The following ABAT variants were observed in gnomAD, a reference collection of about 807,000 sequenced individuals.
The protein encoded by ABAT is 4-aminobutyrate aminotransferase, mitochondrial.
Under a neutral mutation model 64.6 loss-of-function variants are expected in ABAT, and 45 were observed. The ratio of observed to expected loss-of-function variants is 0.70; its 90% CI spans 0.55 to 0.89. ABAT has a LOEUF of 0.89. ABAT is among the 40% of genes least tolerant of loss of function. The pLI, the probability that ABAT is intolerant of heterozygous loss-of-function variation, is 0.00. For missense variants in ABAT, 633 were observed against 658.4 expected, an observed-to-expected ratio of 0.96 and a Z score of 0.42; for synonymous variants, 297 against 250.5, an observed-to-expected ratio of 1.19 and a Z score of -1.75.
intron 1 of ABAT, among the ~76,000 whole-genome samples, chr16:8,692,944 C>G (rs1333500332): frequency 3.9e-5 from 6 of 152,176 alleles, no homozygotes; most frequent in Non-Finnish European, 5.9e-5. Flanking sequence ...ATCTCCACCT[C>G]CCAGGTTCAA....
rs1283021652 is a variant in ABAT at position 8,746,095 on chromosome 16, T to C, written c.165T>C (p.Ser55=). The C allele has an allele frequency of 2.5e-6, 4 of 1,612,696 alleles. No individual in the cohort carries two copies. Among genetic ancestry groups the C allele is most frequent in the Non-Finnish European group, 3.4e-6 (4 of 1,179,332 alleles). The change falls in exon 3 of 16, where the codon TCT becomes TCC. Residue 55 remains serine (S), a synonymous_variant. Coordinates refer to ENST00000268251, the MANE Select transcript of ABAT (RefSeq NM_020686.6). ...LMKTEVPGPR[S]QELMKQLNII... ...AGACGGAAGTCCCAGGGCCTAGATC[T>C]CAGGTGAGTTGAGCACACCTGAGTG...
At chr16:8,763,833 G>C (rs866377783) in intron 6 of ABAT, among the ~76,000 whole-genome samples, 1 of 152,144 alleles carries the variant, frequency 6.6e-6, no homozygotes, top group Non-Finnish European at 1.5e-5. Flanking sequence ...CCTATATAAC[G>C]CCAATGCAAT....
chr16:8,750,334 G>C (rs2059443047), intron 4 of ABAT, 88 bp from the exon 5 acceptor site: 1 of 1,101,202 alleles, frequency 9.1e-7, no homozygotes, highest in East Asian at 2.4e-5. Flanking sequence ...TCACGATATG[G>C]TGTACTTCAC....
At position 8,739,239 on chromosome 16, in the gene ABAT, T is replaced by C. The variant is rs138370248; in HGVS notation, c.70+3430T>C. On this transcript the variant is annotated intron_variant, in intron 2 of 15. Transcript: ENST00000268251. Reference sequence around the variant, plus strand: ...GGTCATTCTCCAGGACATCTGAGCTTTCCTAAGGAGACACCATGGGAAGAG... The same window carrying C: ...GGTCATTCTCCAGGACATCTGAGCTCTCCTAAGGAGACACCATGGGAAGAG... Among the ~76,000 whole-genome samples the C allele has an allele frequency of 4.2e-3, 634 of 152,318 alleles. 5 individuals are homozygous for C. The highest frequency in any genetic ancestry group is 0.014 in the African/African-American group (593 of 41,568).
intron 5 of ABAT, among the ~76,000 whole-genome samples, chr16:8,756,884 T>C (rs1351441761): frequency 6.6e-6 from 1 of 152,140 alleles, no homozygotes; most frequent in Non-Finnish European, 1.5e-5. Context: ...TGAATCCGAG[T>C]GTGCTAAGCC....
chr16:8,717,395 G>C (rs75266414), intron 1 of ABAT, among the ~76,000 whole-genome samples: 7,295 of 152,166 alleles, frequency 0.048, 330 homozygotes, highest in Admixed American at 0.084. Context: ...AGCTGTTTTT[G>C]CTTTTTTCAT....
At chr16:8,708,459 G>T (rs2057998511) in intron 1 of ABAT, among the ~76,000 whole-genome samples, 1 of 151,822 alleles carries the variant, frequency 6.6e-6, no homozygotes, top group Non-Finnish European at 1.5e-5. Flanking sequence ...GTGGGGTGGT[G>T]GGGGGCGCAG....
In ABAT at chr16:8,732,905, G is replaced by T. The variant is rs537023502; in HGVS notation, c.-41-2794G>T. Among the ~76,000 whole-genome samples, 324 of 149,292 alleles carry T rather than the reference G, an allele frequency of 2.2e-3. 2 individuals carry two copies. The highest frequency in any genetic ancestry group is 7.9e-3 in the African/African-American group (314 of 39,606). On this transcript the variant is annotated intron_variant, in intron 1 of 15. Transcript: ENST00000268251. ...GCAGAGGCGCCCCTCACCTCCGGAC[G>T]GGGCGGCTGGCCGGGCGGGGGGCTG...
intron 5 of ABAT, among the ~76,000 whole-genome samples, chr16:8,752,024 A>C (rs1425071910): frequency 1.3e-5 from 2 of 152,138 alleles, no homozygotes; most frequent in East Asian, 3.8e-4. Flanking sequence ...CTTCTGCTGC[A>C]GAAGAGCCCG....
chr16:8,681,458 CTTTT>C (rs34327953), intron 1 of ABAT, among the ~76,000 whole-genome samples: 1 of 133,730 alleles, frequency 7.5e-6, no homozygotes, highest in Admixed American at 7.6e-5. Context: ...AGCCTCTACA[CTTTT>C]TTTTTTTTTT....
At chr16:8,712,277 C>T (rs2058094477) in intron 1 of ABAT, among the ~76,000 whole-genome samples, 1 of 152,050 alleles carries the variant, frequency 6.6e-6, no homozygotes, top group African/African-American at 2.4e-5. Flanking sequence ...TTAAAAATTA[C>T]CAAGTGCTTA....
At chr16:8,713,429 C>G (rs1183997667) in intron 1 of ABAT, 1 of 163,426 alleles carries the variant, frequency 6.1e-6, no homozygotes, top group African/African-American at 2.4e-5. Flanking sequence ...AATCTGTATT[C>G]TATTTTTTTC....
At chr16:8,691,025 T>C (rs369479676) in intron 1 of ABAT, among the ~76,000 whole-genome samples, 16 of 150,748 alleles carry the variant, frequency 1.1e-4, no homozygotes, top group African/African-American at 3.9e-4. Flanking sequence ...ATTTTTAGAA[T>C]AAGTATTGGC....
At chr16:8,684,554 C>CA (rs1274081423) in intron 1 of ABAT, among the ~76,000 whole-genome samples, 1 of 151,900 alleles carries the variant, frequency 6.6e-6, no homozygotes, top group African/African-American at 2.4e-5. Flanking sequence ...CCCTTCTCTA[C>CA]AAAAAATTTT....
chr16:8,741,396 A>T (rs1343190971), intron 2 of ABAT, among the ~76,000 whole-genome samples: 2 of 152,256 alleles, frequency 1.3e-5, no homozygotes, highest in African/African-American at 4.8e-5. Flanking sequence ...CAGATGGGCA[A>T]ATTTCCTGCT....
chr16:8,775,126 C>G (rs2060228377), intron 13 of ABAT, 69 bp downstream of exon 13: 2 of 1,605,460 alleles, frequency 1.2e-6, no homozygotes, highest in African/African-American at 2.7e-5. Context: ...CCTAACTGTT[C>G]CTTTCTCACC....
At chr16:8,679,184 A>G (rs2057273895) in intron 1 of ABAT, among the ~76,000 whole-genome samples, 1 of 152,156 alleles carries the variant, frequency 6.6e-6, no homozygotes, top group Non-Finnish European at 1.5e-5. Context: ...ACTGTAAATA[A>G]TTAATCATAA....
chr16:8,730,986 G>A (rs945895546), intron 1 of ABAT, among the ~76,000 whole-genome samples: 1 of 152,090 alleles, frequency 6.6e-6, no homozygotes, highest in Non-Finnish European at 1.5e-5. Flanking sequence ...TGTGTGAGAC[G>A]GTGTCTCACT....
intron 1 of ABAT, among the ~76,000 whole-genome samples, chr16:8,700,445 C>T (rs777641623): frequency 1.3e-5 from 2 of 152,134 alleles, no homozygotes; most frequent in African/African-American, 2.4e-5. Flanking sequence ...CCCCAGCCCC[C>T]AGAAAGTTCC....
Sources: allele counts gnomAD v4.1 joint callset (sites outside exome capture counted in the v4.1 genomes callset), GRCh38; gene constraint gnomAD v4.1.1; transcripts MANE v1.5; gene names NCBI Gene and HGNC (gene_info 2026-07-23, HGNC 2026-07-21).